The following SYT17 variants were observed in gnomAD, a reference collection of about 807,000 sequenced individuals.
The protein encoded by SYT17 is synaptotagmin 17, also known as synaptotagmin-17.
A neutral mutation model predicts 46.7 loss-of-function variants in SYT17; 22 were observed. That is an observed-to-expected ratio of 0.47 (90% CI 0.34 to 0.67). The LOEUF is 0.67. Among genes scored for constraint, SYT17 ranks in the 30% least tolerant of loss-of-function variants. SYT17 has a pLI of 0.01. For synonymous variants in SYT17, 251 were observed against 248.4 expected, an observed-to-expected ratio of 1.01 and a Z score of -0.10; for missense variants, 519 against 612.8, an observed-to-expected ratio of 0.85 and a Z score of 1.62.
rs1963967897 is a variant in SYT17 at position 19,168,812 on chromosome 16, G to C, written c.15+151G>C. 1.9e-6 allele frequency: 2 copies of C among 1,055,768 alleles called. No homozygotes were observed. The highest frequency in any genetic ancestry group is 2.6e-6 in the Non-Finnish European group (2 of 760,542). 65.4% of individuals were successfully genotyped at this position (1,055,768 alleles called of 1,614,324 possible). ...TGCCCGTGCGCGGGCAACCTGTGCA[G>C]CAACAGGGGTGCGCCCCGGGAGGAG... On this transcript the variant is annotated intron_variant, in intron 1 of 7. Coordinates refer to ENST00000355377, the MANE Select transcript of SYT17 (RefSeq NM_016524.4). The surrounding 1 kb of genome is among the most constrained non-coding windows in gnomAD (Gnocchi z 6.9).
intron 7 of SYT17, among the ~76,000 whole-genome samples, chr16:19,251,601 C>A (rs1308710079): frequency 1.3e-5 from 2 of 152,120 alleles, no homozygotes; most frequent in African/African-American, 4.8e-5. Flanking sequence ...GGGTTAGCAC[C>A]AGTGACCAGA....
intron 7 of SYT17, among the ~76,000 whole-genome samples, chr16:19,247,335 G>A (rs1158802462): frequency 6.6e-6 from 1 of 152,214 alleles, no homozygotes; most frequent in African/African-American, 2.4e-5. Context: ...TATCTCTGCT[G>A]ATGTGTCCAA....
intron 5 of SYT17, among the ~76,000 whole-genome samples, chr16:19,212,621 C>CAATA (rs1034083776): frequency 5.3e-5 from 8 of 151,880 alleles, no homozygotes; most frequent in South Asian, 4.2e-4. Context: ...ATTCCTGTCA[C>CAATA]AATAAATAAA....
chr16:19,205,891 A>G (rs1402856546), intron 5 of SYT17, among the ~76,000 whole-genome samples: 1 of 152,044 alleles, frequency 6.6e-6, no homozygotes, highest in East Asian at 1.9e-4. Flanking sequence ...TAATTTCCTT[A>G]TTATGTTTCT....
At chr16:19,173,897 AAGG>A (rs1399947440) in intron 3 of SYT17, among the ~76,000 whole-genome samples, 1 of 152,174 alleles carries the variant, frequency 6.6e-6, no homozygotes, top group African/African-American at 2.4e-5. Context: ...CCGAGCAGAA[AAGG>A]AGATCTGTGA....
chr16:19,254,686 C>T (rs1325551992), intron 7 of SYT17, among the ~76,000 whole-genome samples: 1 of 152,182 alleles, frequency 6.6e-6, no homozygotes, highest in Non-Finnish European at 1.5e-5. Flanking sequence ...TTGCAGTGTA[C>T]ATCTTCCCCC....
At chr16:19,201,009 C>T (rs1345687077) in intron 5 of SYT17, among the ~76,000 whole-genome samples, 1 of 152,180 alleles carries the variant, frequency 6.6e-6, no homozygotes. Context: ...CGACTCCCCA[C>T]CACCCAGGGC....
chr16:19,252,183 C>A (rs1351410962), intron 7 of SYT17, among the ~76,000 whole-genome samples: 2 of 147,230 alleles, frequency 1.4e-5, no homozygotes, highest in Admixed American at 6.7e-5. Context: ...ACAAAAAAAC[C>A]ATGTTTGAGA....
At position 19,254,387 on chromosome 16, in the gene SYT17, C is replaced by T. The variant is rs534851004; in HGVS notation, c.1229-12493C>T. Among the ~76,000 whole-genome samples the T allele has an allele frequency of 6.8e-4, 103 of 152,318 alleles. 1 individual carries two copies. Among genetic ancestry groups the T allele is most frequent in the African/African-American group, 1.7e-3 (72 of 41,574 alleles). ...ATCTAAGCTGACTGCACATGAGATT[C>T]ACTCGGGGAGCATTTGAAAACCAGT... On this transcript the variant is annotated intron_variant, in intron 7 of 7. Coordinates refer to ENST00000355377, the MANE Select transcript of SYT17 (RefSeq NM_016524.4).
At chr16:19,179,172 G>A (rs1964445006) in intron 3 of SYT17, among the ~76,000 whole-genome samples, 1 of 152,114 alleles carries the variant, frequency 6.6e-6, no homozygotes, top group Admixed American at 6.5e-5. Context: ...GTGTCACCCA[G>A]GCTGGAGTAC....
chr16:19,266,252 T>C (rs1483666071), intron 7 of SYT17, among the ~76,000 whole-genome samples: 1 of 152,236 alleles, frequency 6.6e-6, no homozygotes, highest in Non-Finnish European at 1.5e-5. Flanking sequence ...ACCTAGTGGT[T>C]CCCGTTTGGG....
intron 7 of SYT17, among the ~76,000 whole-genome samples, chr16:19,263,000 A>G (rs1457162322): frequency 6.6e-6 from 1 of 150,954 alleles, no homozygotes; most frequent in African/African-American, 2.4e-5. Flanking sequence ...GCCCTGGTGC[A>G]GGGGTCAGCA....
At chr16:19,169,854 A>T (rs1387672231) in intron 1 of SYT17, 1 of 152,208 alleles carries the variant, frequency 6.6e-6, no homozygotes, top group African/African-American at 2.4e-5. Context: ...GGATACAGTG[A>T]TGAAAACAGC....
intron 5 of SYT17, among the ~76,000 whole-genome samples, chr16:19,211,948 A>C (rs1382684608): frequency 6.6e-6 from 1 of 152,148 alleles, no homozygotes; most frequent in Non-Finnish European, 1.5e-5. Flanking sequence ...TTTTTAAAGA[A>C]TAGAAAGAAG....
chr16:19,262,882 T>A (rs887283136), intron 7 of SYT17, among the ~76,000 whole-genome samples: 1 of 152,098 alleles, frequency 6.6e-6, no homozygotes, highest in Non-Finnish European at 1.5e-5. Flanking sequence ...ATAGAAACCA[T>A]GAGTAGCCTC....
intron 7 of SYT17, among the ~76,000 whole-genome samples, chr16:19,234,896 G>A (rs1966827234): frequency 6.6e-6 from 1 of 152,202 alleles, no homozygotes; most frequent in African/African-American, 2.4e-5. Flanking sequence ...TGTTGCCCCA[G>A]CATCTCCCTC....
rs1966383388 is a variant in SYT17 at position 19,223,134 on chromosome 16, A to G, written c.1041A>G (p.Gln347=). The change falls in exon 6 of 8, where the codon CAA becomes CAG. Residue 347 remains glutamine (Q), a synonymous_variant. Coordinates refer to ENST00000355377, the MANE Select transcript of SYT17 (RefSeq NM_016524.4). ...RLNVDVIRAK[Q]LLQTDVSQGS... ...ATGTTGATGTCATTCGAGCCAAGCA[A>G]CTTCTTCAGACAGATGTGAGCCAAG... The G allele has an allele frequency of 9.3e-6, 15 of 1,613,948 alleles. No homozygotes were observed. The highest frequency in any genetic ancestry group is 1.2e-5 in the Non-Finnish European group (14 of 1,179,872).
At chr16:19,172,889 G>A in intron 2 of SYT17, 112 bp downstream of exon 2, 1 of 1,327,252 alleles carries the variant, frequency 7.5e-7, no homozygotes, top group Non-Finnish European at 1.1e-6. Context: ...ACAATAACCT[G>A]GTGTTAATAA....
At chr16:19,200,187 A>G (rs1401147036) in intron 5 of SYT17, among the ~76,000 whole-genome samples, 1 of 152,262 alleles carries the variant, frequency 6.6e-6, no homozygotes, top group Admixed American at 6.5e-5. Flanking sequence ...CTAGGTCCCC[A>G]TGGACTTCTC....
Sources: gnomAD v4.1 joint callset for allele counts (sites outside exome capture counted in the v4.1 genomes callset) on GRCh38, gnomAD v4.1.1 for gene constraint, Gnocchi (gnomAD v3.1) non-coding constraint, MANE v1.5 for transcripts, NCBI Gene and HGNC (gene_info 2026-07-23, HGNC 2026-07-21) for gene names.